PEDS1: variants seen among roughly 807,000 people sequenced by gnomAD.
The protein encoded by PEDS1 is plasmanylethanolamine desaturase 1, also known as CarF homolog.
PEDS1 carries 14 observed loss-of-function variants against 35.2 expected under a neutral mutation model. The ratio of observed to expected loss-of-function variants is 0.40; its 90% confidence interval spans 0.26 to 0.62. The LOEUF (loss-of-function observed/expected upper bound fraction) is 0.62. Among genes scored for constraint, PEDS1 ranks in the 20% least tolerant of loss-of-function variants. The pLI, the probability that PEDS1 is intolerant of heterozygous loss-of-function variation, is 0.44. For missense variants in PEDS1, 260 were observed against 367.8 expected (o/e 0.71, Z 2.40); for synonymous variants, 152 against 152.0 (o/e 1.00, Z 0.00).
At position 50,124,862 on chromosome 20, in the gene PEDS1, G is replaced by GAAAAA; in HGVS notation, c.*191_*195dup. ...CTCAGGTGGCTGAGGAGGGGCCGAGGAAAAAAAAAAAAAAGAAATGAAAAA... is the reference window on the plus strand; with the variant it reads ...CTCAGGTGGCTGAGGAGGGGCCGAGGAAAAAAAAAAAAAAAAAAAGAAATGAAAAA... On this transcript the variant is annotated 3_prime_UTR_variant, in exon 6 of 6. Transcript: ENST00000371652. 3.8e-6 allele frequency: 2 copies of GAAAAA among 526,654 alleles called. No homozygotes were observed. The highest frequency in any genetic ancestry group is 2.5e-5 in the South Asian group (1 of 39,844). The allele number at this position is 526,654 out of a possible 1,614,324, so 32.6% of individuals were successfully genotyped here.
chr20:50,123,268 CT>C lies in PEDS1; in HGVS notation c.*1789del, dbSNP rs35699141. Reference sequence around the variant, plus strand: ...CATCTCTTAAAATCCCAAGCTTGTTCTTTTTTTTTTTTTCTAAGCGAAGTCT... The same window carrying C: ...CATCTCTTAAAATCCCAAGCTTGTTCTTTTTTTTTTTTCTAAGCGAAGTCT... On this transcript the variant is annotated 3_prime_UTR_variant, in exon 6 of 6. Coordinates refer to ENST00000371652, the MANE Select transcript of PEDS1 (RefSeq NM_199129.4). 179 of 145,360 alleles carry C rather than the reference CT, an allele frequency of 1.2e-3. 1 individual carries two copies. Among genetic ancestry groups the C allele is most frequent in the Middle Eastern group, 3.6e-3 (1 of 280 alleles). The allele number at this position is 145,360 out of a possible 1,614,324, so 9.0% of individuals were successfully genotyped here. A position where few individuals can be genotyped will look rare whatever the true frequency, so the allele number is the denominator to read the frequency against.
intron 3 of PEDS1, among the ~76,000 whole-genome samples, chr20:50,130,483 AGTAC>A (rs2081166221): frequency 6.6e-6 from 1 of 152,226 alleles, no homozygotes; most frequent in Admixed American, 6.5e-5. Context: ...TACATGAATC[AGTAC>A]CCTTGTTTGC....
Position 50,142,761 on chromosome 20 carries a change from A to G in PEDS1, c.241+741T>C, listed in dbSNP as rs190551208. ...GCCACCACACCTGGCTGGGGCTGCT[A>G]TGTTTTGTGGGGCAATCACACCTCC... On this transcript the variant is annotated intron_variant, in intron 2 of 5. Coordinates refer to ENST00000371652, the MANE Select transcript of PEDS1 (RefSeq NM_199129.4). Among the ~76,000 whole-genome samples, 1,175 of 137,154 alleles carry G rather than the reference A, an allele frequency of 8.6e-3. 16 individuals are homozygous for G. Among genetic ancestry groups the G allele is most frequent in the African/African-American group, 0.029 (1,095 of 37,458 alleles). 90.0% of individuals were successfully genotyped at this position (137,154 alleles called of 152,430 possible). A position where few individuals can be genotyped will look rare whatever the true frequency, so the allele number is the denominator to read the frequency against.
chr20:50,140,699 CGT>C lies in PEDS1; in HGVS notation c.241+2801_241+2802del, dbSNP rs200852238. On this transcript the variant is annotated intron_variant, in intron 2 of 5. Coordinates refer to ENST00000371652, the MANE Select transcript of PEDS1 (RefSeq NM_199129.4). ...GATTTTGCTTCCCAATGCTGCATCA[CGT>C]GTGTCTGTGTTTATTAACTCGACAT... 5.6e-3 allele frequency among the ~76,000 whole-genome samples: 848 copies of C among 152,302 alleles called. 4 individuals are homozygous for C. Among genetic ancestry groups the C allele is most frequent in the Middle Eastern group, 0.02 (6 of 294 alleles).
At chr20:50,153,444 AC>A (rs2081426670) in intron 1 of PEDS1, 72 bp downstream of exon 1, 1 of 1,246,436 alleles carries the variant, frequency 8.0e-7, no homozygotes, top group Middle Eastern at 2.1e-4. Flanking sequence ...CGAGGTTGGG[AC>A]TCCAGTCTGG....
chr20:50,143,000 C>T (rs73913826), intron 2 of PEDS1, among the ~76,000 whole-genome samples: 1,823 of 152,076 alleles, frequency 0.012, 37 homozygotes, highest in African/African-American at 0.042. Flanking sequence ...ACTGAGGAGC[C>T]GGTGTTCTAT....
At chr20:50,138,729 G>A (rs1443184060) in intron 2 of PEDS1, among the ~76,000 whole-genome samples, 1 of 152,254 alleles carries the variant, frequency 6.6e-6, no homozygotes, top group Non-Finnish European at 1.5e-5. Context: ...AGGGGTGGCA[G>A]ACAGGCACAC....
Position 50,140,036 on chromosome 20 carries a change from C to T in PEDS1, c.241+3466G>A, listed in dbSNP as rs73910391. ...CAACAGCGGCCATCTCAAGCATCTC[C>T]CTCAGGCCTGCTCTGCCGATGACCT... On this transcript the variant is annotated intron_variant, in intron 2 of 5. Coordinates refer to ENST00000371652, the MANE Select transcript of PEDS1 (RefSeq NM_199129.4). 6.0e-4 allele frequency among the ~76,000 whole-genome samples: 91 copies of T among 152,320 alleles called. 1 individual carries two copies. Among genetic ancestry groups the T allele is most frequent in the Middle Eastern group, 6.8e-3 (2 of 294 alleles).
rs1311943801 is a variant in PEDS1 at position 50,121,299 on chromosome 20, C to T, written c.*3759G>A. 1 of 152,188 alleles carries T rather than the reference C, an allele frequency of 6.6e-6. No individual in the cohort carries two copies. The highest frequency in any genetic ancestry group is 1.5e-5 in the Non-Finnish European group (1 of 68,044). The allele number at this position is 152,188 out of a possible 1,614,324, so 9.4% of individuals were successfully genotyped here. ...CATAGTGGACACATTTCTCACGTGCCACCTGTCTCACCTCCCTCTCCACAA... is the reference window on the plus strand; with the variant it reads ...CATAGTGGACACATTTCTCACGTGCTACCTGTCTCACCTCCCTCTCCACAA... On this transcript the variant is annotated 3_prime_UTR_variant, in exon 6 of 6. Transcript: ENST00000371652.
At position 50,128,465 on chromosome 20, in the gene PEDS1, G is replaced by A. The variant is rs759121532; in HGVS notation, c.479-278C>T. On this transcript the variant is annotated intron_variant, in intron 4 of 5. Coordinates refer to ENST00000371652, the MANE Select transcript of PEDS1 (RefSeq NM_199129.4). The surrounding 1 kb of genome is among the most constrained non-coding windows in gnomAD (Gnocchi z 5.2). ...CCGGAGTCAGCTGGAGCTGGGTTCC[G>A]ATCTCTGCCGACATTTCTTGGCAGT... is the stretch of plus-strand genomic sequence containing the variant. 6.6e-6 allele frequency among the ~76,000 whole-genome samples: 1 copy of A among 152,174 alleles called. No individual in the cohort carries two copies. Among genetic ancestry groups the A allele is most frequent in the Non-Finnish European group, 1.5e-5 (1 of 68,030 alleles).
chr20:50,129,755 C>A lies in PEDS1; in HGVS notation c.334-65G>T. ...GGTGGTCAGCTGCTCTCCACAGCCC[C>A]CTAAACACATTCACCCTGGGCTCAC... On this transcript the variant is annotated intron_variant, in intron 3 of 5. Transcript: ENST00000371652. This position sits in a 1 kb window ranked among gnomAD's most constrained non-coding sequence, Gnocchi z 4.2. 1.3e-6 allele frequency: 2 copies of A among 1,589,942 alleles called. No individual in the cohort carries two copies. Among genetic ancestry groups the A allele is most frequent in the Admixed American group, 3.4e-5 (2 of 58,716 alleles).
chr20:50,141,286 G>C (rs2081289091), intron 2 of PEDS1, among the ~76,000 whole-genome samples: 1 of 152,250 alleles, frequency 6.6e-6, no homozygotes, highest in Admixed American at 6.5e-5. Context: ...ATGGTGATGG[G>C]AACCTCCTCA....
At chr20:50,149,244 C>T (rs1256795371) in intron 1 of PEDS1, among the ~76,000 whole-genome samples, 4 of 152,156 alleles carry the variant, frequency 2.6e-5, no homozygotes, top group African/African-American at 9.7e-5. Context: ...AGGACTCTCA[C>T]CCAGTACTCC....
intron 2 of PEDS1, among the ~76,000 whole-genome samples, chr20:50,142,514 T>G (rs2081301038): frequency 6.6e-6 from 1 of 152,196 alleles, no homozygotes; most frequent in Non-Finnish European, 1.5e-5. Flanking sequence ...CTTGGCTCAC[T>G]GCAACCTCCG....
At chr20:50,134,174 CA>C (rs2081208379) in intron 2 of PEDS1, among the ~76,000 whole-genome samples, 1 of 152,228 alleles carries the variant, frequency 6.6e-6, no homozygotes, top group Non-Finnish European at 1.5e-5. Flanking sequence ...TTAATGAGGT[CA>C]ACTGAGGTAT....
chr20:50,136,754 A>C (rs2081239534), intron 2 of PEDS1, among the ~76,000 whole-genome samples: 1 of 146,356 alleles, frequency 6.8e-6, no homozygotes. Flanking sequence ...GAGGGGAGGA[A>C]GGCTGGGCGC....
chr20:50,138,962 T>C (rs1431894005), intron 2 of PEDS1, among the ~76,000 whole-genome samples: 3 of 152,066 alleles, frequency 2.0e-5, no homozygotes, highest in Non-Finnish European at 2.9e-5. Context: ...TGGGACTTCC[T>C]CACCCCTCCC....
chr20:50,144,742 C>T lies in PEDS1; in HGVS notation c.122-1121G>A, dbSNP rs917767700. Among the ~76,000 whole-genome samples the T allele has an allele frequency of 6.6e-5, 10 of 151,936 alleles. No individual in the cohort carries two copies. The East Asian group carries it at 1.9e-3, about 29-fold the overall frequency. ...ACCTGGGCAGTTGTCTATAAGTGGA[C>T]GTGGAGAGATGTCCAGGACATCTAG... On this transcript the variant is annotated intron_variant, in intron 1 of 5. Coordinates refer to ENST00000371652, the MANE Select transcript of PEDS1 (RefSeq NM_199129.4).
intron 2 of PEDS1, among the ~76,000 whole-genome samples, chr20:50,140,435 C>T (rs1483228859): frequency 6.6e-6 from 1 of 152,244 alleles, no homozygotes; most frequent in Non-Finnish European, 1.5e-5. Context: ...CATCTGCTTC[C>T]AGTGCCTTGC....
Sources: gnomAD v4.1 joint callset for allele counts (sites outside exome capture counted in the v4.1 genomes callset) on GRCh38, gnomAD v4.1.1 for gene constraint, Gnocchi (gnomAD v3.1) non-coding constraint, MANE v1.5 for transcripts, NCBI Gene and HGNC (gene_info 2026-07-23, HGNC 2026-07-21) for gene names.